CYSLTR2: variants seen among roughly 807,000 people sequenced by gnomAD.
The protein encoded by CYSLTR2 is G-protein coupled receptor GPCR21.
For missense variants in CYSLTR2, 398 were observed against 411.9 expected, an observed-to-expected ratio of 0.97 and a Z score of 0.29; for synonymous variants, 179 against 160.8, an observed-to-expected ratio of 1.11 and a Z score of -0.86.
rs200909472 is a variant in CYSLTR2 at position 48,708,265 on chromosome 13, C to T, written c.*407C>T. ...CCCTTGAGATATAGCCAACTAACGACGCTACTGGAAGCCCCAGAGCAGAAA... is the reference window on the plus strand; with the variant it reads ...CCCTTGAGATATAGCCAACTAACGATGCTACTGGAAGCCCCAGAGCAGAAA... On this transcript the variant is annotated 3_prime_UTR_variant, in exon 5 of 5. Transcript: ENST00000682523. The T allele has an allele frequency of 2.9e-4, 49 of 170,920 alleles. No homozygotes were observed. The highest frequency in any genetic ancestry group is 5.5e-4 in the Non-Finnish European group (39 of 70,986). The allele number at this position is 170,920 out of a possible 1,614,324, so 10.6% of individuals were successfully genotyped here. A position where few individuals can be genotyped will look rare whatever the true frequency, so the allele number is the denominator to read the frequency against.
intron 1 of CYSLTR2, among the ~76,000 whole-genome samples, chr13:48,685,281 C>A (rs568740952): frequency 2.0e-5 from 3 of 151,936 alleles, no homozygotes; most frequent in Admixed American, 1.3e-4. Context: ...AACTCACTCA[C>A]GAGAACTCAC....
At chr13:48,683,013 G>T (rs1953797803) in intron 1 of CYSLTR2, among the ~76,000 whole-genome samples, 1 of 152,106 alleles carries the variant, frequency 6.6e-6, no homozygotes, top group Admixed American at 6.6e-5. Flanking sequence ...GTTTGCTAAG[G>T]ATAATGGCCC....
At chr13:48,670,437 C>T (rs1188360396) in intron 1 of CYSLTR2, among the ~76,000 whole-genome samples, 1 of 152,110 alleles carries the variant, frequency 6.6e-6, no homozygotes, top group Non-Finnish European at 1.5e-5. Flanking sequence ...TTTAATCTAT[C>T]TTGAGTTAAT....
rs1954501720 is a variant in CYSLTR2, at chr13:48,706,836, T to C, written c.19T>C (p.Ser7Pro). 1.2e-6 allele frequency: 2 copies of C among 1,609,644 alleles called. No homozygotes were observed. Among genetic ancestry groups the C allele is most frequent in the Admixed American group, 1.7e-5 (1 of 59,428 alleles). ...ACCCAGCATGGAGAGAAAATTTATG[T>C]CCTTGCAACCATCCATCTCCGTATC... MERKFM[S>P]LQPSISVSEM... Residue 7 changes from serine (S) to proline (P), a missense_variant, in exon 5 of 5, where the codon TCC becomes CCC. Physicochemically the swap from Ser to Pro is moderately conservative, Grantham distance 74. Transcript: ENST00000682523.
intron 1 of CYSLTR2, among the ~76,000 whole-genome samples, chr13:48,685,310 C>G (rs1953869247): frequency 6.6e-6 from 1 of 152,108 alleles, no homozygotes; most frequent in Non-Finnish European, 1.5e-5. Context: ...ATGAGAACAG[C>G]ACCGAGGGGA....
intron 1 of CYSLTR2, among the ~76,000 whole-genome samples, chr13:48,675,913 C>T (rs1345483250): frequency 6.6e-6 from 1 of 152,198 alleles, no homozygotes; most frequent in Non-Finnish European, 1.5e-5. Context: ...AGTTCCTCAA[C>T]CCCTTGCACT....
chr13:48,695,707 T>C (rs963252736), intron 3 of CYSLTR2, among the ~76,000 whole-genome samples: 1 of 152,208 alleles, frequency 6.6e-6, no homozygotes, highest in Non-Finnish European at 1.5e-5. Flanking sequence ...TCACATAGCA[T>C]AGCTCCCTAG....
At chr13:48,701,145 A>G (rs1954332826) in intron 4 of CYSLTR2, among the ~76,000 whole-genome samples, 1 of 152,216 alleles carries the variant, frequency 6.6e-6, no homozygotes, top group African/African-American at 2.4e-5. Flanking sequence ...TAAAGTTCAA[A>G]TGGAACCAAA....
At chr13:48,670,575 A>T (rs916888835) in intron 1 of CYSLTR2, among the ~76,000 whole-genome samples, 1 of 152,166 alleles carries the variant, frequency 6.6e-6, no homozygotes, top group Non-Finnish European at 1.5e-5. Flanking sequence ...TTTGTCAAAG[A>T]TCAGATGGGA....
At chr13:48,654,249 CTTTG>C (rs1290420912) in intron 1 of CYSLTR2, among the ~76,000 whole-genome samples, 11 of 132,172 alleles carry the variant, frequency 8.3e-5, no homozygotes, top group East Asian at 2.3e-4. Context: ...GGGATCGTCC[CTTTG>C]TGTGTGTGTG....
chr13:48,706,003 T>G (rs572237344), intron 4 of CYSLTR2, among the ~76,000 whole-genome samples: 2 of 150,048 alleles, frequency 1.3e-5, no homozygotes, highest in African/African-American at 2.4e-5. Context: ...GTTGTTGTTT[T>G]TTTTTTTTTT....
intron 1 of CYSLTR2, among the ~76,000 whole-genome samples, chr13:48,679,220 C>G (rs1290562414): frequency 1.3e-5 from 2 of 152,060 alleles, no homozygotes; most frequent in African/African-American, 4.8e-5. Context: ...TAGTCAATCT[C>G]TCTCCCCCAG....
chr13:48,671,480 G>T (rs546277561), intron 1 of CYSLTR2, among the ~76,000 whole-genome samples: 2 of 152,156 alleles, frequency 1.3e-5, no homozygotes, highest in African/African-American at 2.4e-5. Flanking sequence ...AGTGCTTTTA[G>T]CATGAAAGGG....
intron 1 of CYSLTR2, among the ~76,000 whole-genome samples, chr13:48,667,027 T>C (rs1953281255): frequency 6.6e-6 from 1 of 152,244 alleles, no homozygotes; most frequent in South Asian, 2.1e-4. Context: ...AAGTTGTCTC[T>C]TTCAATTTTA....
chr13:48,667,383 G>T (rs953427644), intron 1 of CYSLTR2, among the ~76,000 whole-genome samples: 5 of 152,342 alleles, frequency 3.3e-5, no homozygotes, highest in South Asian at 2.1e-4. Flanking sequence ...GTCAGCCTGG[G>T]GGGTGGAGGG....
rs375673952 is a variant in CYSLTR2, at chr13:48,659,744, C to CA, written c.-266+5728dup. Among the ~76,000 whole-genome samples, 446 of 152,286 alleles carry CA rather than the reference C, an allele frequency of 2.9e-3. 2 individuals are homozygous for CA. Among genetic ancestry groups the CA allele is most frequent in the Non-Finnish European group, 5.0e-3 (338 of 68,016 alleles). ...TCTTCTGTCTTGGAAATCAGAGACT[C>CA]AGATAAAAAACAATTCTGTGATTCT... On this transcript the variant is annotated intron_variant, in intron 1 of 4. Transcript: ENST00000682523.
chr13:48,687,084 TCTC>T lies in CYSLTR2; in HGVS notation c.-265-4125_-265-4123del, dbSNP rs199711441. ...CTTGCTCCTGGAGCTGGGACATTCTTCTCCTTCTGCCCTTTGACATTAGAACTC... is the reference window on the plus strand; with the variant it reads ...CTTGCTCCTGGAGCTGGGACATTCTTCTTCTGCCCTTTGACATTAGAACTC... On this transcript the variant is annotated intron_variant, in intron 1 of 4. Transcript: ENST00000682523. 8.2e-3 allele frequency among the ~76,000 whole-genome samples: 1,251 copies of T among 152,210 alleles called. 17 individuals carry two copies. Among genetic ancestry groups the T allele is most frequent in the African/African-American group, 0.025 (1,052 of 41,512 alleles).
chr13:48,699,781 T>A (rs1227558193), intron 4 of CYSLTR2, among the ~76,000 whole-genome samples: 1 of 151,388 alleles, frequency 6.6e-6, no homozygotes, highest in African/African-American at 2.4e-5. Flanking sequence ...GCAAGACTAA[T>A]AAAGAAGAAA....
At chr13:48,699,660 A>T (rs907152790) in intron 4 of CYSLTR2, among the ~76,000 whole-genome samples, 6 of 152,216 alleles carry the variant, frequency 3.9e-5, no homozygotes, top group African/African-American at 1.4e-4. Flanking sequence ...GCAAGAAATA[A>T]CTAAGATCAA....
Sources: gnomAD v4.1 joint callset for allele counts (sites outside exome capture counted in the v4.1 genomes callset) on GRCh38, gnomAD v4.1.1 for gene constraint, MANE v1.5 for transcripts, NCBI Gene and HGNC (gene_info 2026-07-23, HGNC 2026-07-21) for gene names.